CLSTN1: variants seen among roughly 807,000 people sequenced by gnomAD.
The protein encoded by CLSTN1 is calsyntenin 1, also known as calsyntenin-1.
Under a neutral mutation model 108.3 loss-of-function variants are expected in CLSTN1, and 28 were observed. That is an observed-to-expected ratio of 0.26 (90% CI 0.19 to 0.35). The LOEUF is 0.35. Ranked by LOEUF, CLSTN1 falls within the 10% of genes least tolerant of loss-of-function variation. CLSTN1 has a pLI of 1.00. For missense variants in CLSTN1, 1,157 were observed against 1,302.6 expected (o/e 0.89, Z 1.72); for synonymous variants, 524 against 534.9 (o/e 0.98, Z 0.28).
chr1:9,756,349 G>A lies in CLSTN1; in HGVS notation c.244+132C>T, dbSNP rs1651803510. On this transcript the variant is annotated intron_variant, in intron 3 of 18. Transcript: ENST00000377298. The stretch of plus-strand genomic sequence containing the variant: ...ATTTCCATCAATATACTTTAAAATA[G>A]AAACAAAGTAGGAGAATAAATAAGG... 3 of 713,274 alleles carry A rather than the reference G, an allele frequency of 4.2e-6. No homozygotes were observed. The East Asian group carries it at 7.6e-5, about 18-fold the overall frequency. 44.2% of individuals were successfully genotyped at this position (713,274 alleles called of 1,614,324 possible).
intron 1 of CLSTN1, among the ~76,000 whole-genome samples, chr1:9,806,548 TTATG>T (rs1654513583): frequency 6.6e-6 from 1 of 152,086 alleles, no homozygotes; most frequent in South Asian, 2.1e-4. Flanking sequence ...GTTTAAAACT[TTATG>T]TAGTTAAATT....
intron 4 of CLSTN1, among the ~76,000 whole-genome samples, chr1:9,751,999 G>A (rs1055986890): frequency 6.6e-6 from 1 of 151,798 alleles, no homozygotes; most frequent in Non-Finnish European, 1.5e-5. Flanking sequence ...GGACAAGACA[G>A]GCAGAAGGGA....
chr1:9,769,986 C>T (rs1310665844), intron 2 of CLSTN1, among the ~76,000 whole-genome samples: 2 of 148,564 alleles, frequency 1.3e-5, no homozygotes, highest in South Asian at 2.1e-4. Flanking sequence ...GCCGAGATCG[C>T]GCCACTGCAC....
chr1:9,758,556 C>T (rs1314868659), intron 2 of CLSTN1, among the ~76,000 whole-genome samples: 2 of 152,052 alleles, frequency 1.3e-5, no homozygotes, highest in South Asian at 4.2e-4. Context: ...TCAAGTGATC[C>T]GCCCGCCTCC....
intron 1 of CLSTN1, among the ~76,000 whole-genome samples, chr1:9,782,311 TA>T (rs1332088418): frequency 1.3e-5 from 2 of 152,124 alleles, no homozygotes; most frequent in Admixed American, 6.6e-5. Flanking sequence ...AATGGAGGCC[TA>T]AAAAAATGTG....
rs747750769 is a variant in CLSTN1 at position 9,751,429 on chromosome 1, A to G, written c.649+44T>C. On this transcript the variant is annotated intron_variant, in intron 5 of 18. Coordinates refer to ENST00000377298, the MANE Select transcript of CLSTN1 (RefSeq NM_001009566.3). ...GGGGTGTAAAGTCAGTGGGGTTAGC[A>G]GGGACTGTCTACCTAGCTGAAAAGC... The G allele has an allele frequency of 4.4e-6, 7 of 1,590,338 alleles. No homozygotes were observed. The East Asian group carries it at 1.3e-4, about 30-fold the overall frequency.
At chr1:9,733,941 C>T (rs1463993060) in intron 15 of CLSTN1, 31 bp downstream of exon 15, 27 of 1,584,548 alleles carry the variant, frequency 1.7e-5, no homozygotes, top group Non-Finnish European at 2.2e-5. Flanking sequence ...TGCAGCCTGG[C>T]CCACCTGCGT....
rs187674319 is a variant in CLSTN1 at position 9,750,462 on chromosome 1, G to T, written c.650-549C>A. On this transcript the variant is annotated intron_variant, in intron 5 of 18. Coordinates refer to ENST00000377298, the MANE Select transcript of CLSTN1 (RefSeq NM_001009566.3). ...TCTTTTTTTTTCTTTTTGGAACAGG[G>T]TCTCGTTCTCTTGCCCAGGCTGGAG... Among the ~76,000 whole-genome samples the T allele has an allele frequency of 1.1e-3, 162 of 151,992 alleles. 2 individuals are homozygous for T. Among genetic ancestry groups the T allele is most frequent in the Non-Finnish European group, 1.3e-4 (9 of 67,980 alleles).
chr1:9,786,186 TCAAA>T lies in CLSTN1; in HGVS notation c.92-12796_92-12793del, dbSNP rs199803504. Among the ~76,000 whole-genome samples the T allele has an allele frequency of 8.1e-3, 1,232 of 151,854 alleles. 14 individuals are homozygous for T. The highest frequency in any genetic ancestry group is 0.031 in the Middle Eastern group (9 of 294). On this transcript the variant is annotated intron_variant, in intron 1 of 18. Transcript: ENST00000377298. The stretch of plus-strand genomic sequence containing the variant: ...ACTGGGTGACAGAGCGAGACCTGCC[TCAAA>T]CAAACAAAAAACACACACATTAAGT...
chr1:9,799,807 G>A (rs1654173884), intron 1 of CLSTN1, among the ~76,000 whole-genome samples: 1 of 152,006 alleles, frequency 6.6e-6, no homozygotes, highest in African/African-American at 2.4e-5. Flanking sequence ...TGGGCGTGCT[G>A]GTGGGTGCCT....
chr1:9,781,536 C>T (rs556588108), intron 1 of CLSTN1, among the ~76,000 whole-genome samples: 3 of 151,720 alleles, frequency 2.0e-5, no homozygotes, highest in South Asian at 4.2e-4. Flanking sequence ...CTCTGCCTCC[C>T]GGGTTCAAGC....
rs925575445 is a variant in CLSTN1 at position 9,793,580 on chromosome 1, G to A, written c.92-20186C>T. ...GAAGGTTCATGAATGGAGGCCATTCGAAAGCTTTCTTGTAAGCAAAGAAGG... is the reference window on the plus strand; with the variant it reads ...GAAGGTTCATGAATGGAGGCCATTCAAAAGCTTTCTTGTAAGCAAAGAAGG... On this transcript the variant is annotated intron_variant, in intron 1 of 18. Transcript: ENST00000377298. Among the ~76,000 whole-genome samples the A allele has an allele frequency of 3.3e-5, 5 of 151,484 alleles. No individual in the cohort carries two copies. The East Asian group carries it at 7.9e-4, about 24-fold the overall frequency.
chr1:9,811,779 T>G (rs1388639368), intron 1 of CLSTN1, among the ~76,000 whole-genome samples: 1 of 151,278 alleles, frequency 6.6e-6, no homozygotes, highest in Admixed American at 6.6e-5. Flanking sequence ...TTTTAATGAT[T>G]TGTTATCCTT....
At position 9,731,402 on chromosome 1, in the gene CLSTN1, T is replaced by G. The variant is rs1208210104; in HGVS notation, c.2564-12A>C. On this transcript the variant is annotated splice_polypyrimidine_tract_variant and intron_variant, in intron 17 of 18. Coordinates refer to ENST00000377298, the MANE Select transcript of CLSTN1 (RefSeq NM_001009566.3). Reference sequence around the variant, plus strand: ...AGTGCTGGGGACGACTGTGGGAGAATGAGGGGGCGGGATGCGAGGTCACTC... The same window carrying G: ...AGTGCTGGGGACGACTGTGGGAGAAGGAGGGGGCGGGATGCGAGGTCACTC... The G allele has an allele frequency of 2.5e-6, 4 of 1,612,120 alleles. No individual in the cohort carries two copies. The highest frequency in any genetic ancestry group is 3.4e-6 in the Non-Finnish European group (4 of 1,178,478).
rs147236116 is a variant in CLSTN1 at position 9,766,072 on chromosome 1, TCTAA to T, written c.214+7196_214+7199del. 4.2e-3 allele frequency among the ~76,000 whole-genome samples: 640 copies of T among 152,160 alleles called. 12 individuals carry two copies. In the East Asian group the frequency reaches 0.043, roughly 10 times the overall value. ...AGTATCACAGGGCTCCTCGGTGGGC[TCTAA>T]CTGACTATCAATGAAAACTAAGTTC... On this transcript the variant is annotated intron_variant, in intron 2 of 18. Coordinates refer to ENST00000377298, the MANE Select transcript of CLSTN1 (RefSeq NM_001009566.3).
At chr1:9,781,685 C>T (rs979430327) in intron 1 of CLSTN1, among the ~76,000 whole-genome samples, 4 of 152,068 alleles carry the variant, frequency 2.6e-5, no homozygotes, top group Non-Finnish European at 5.9e-5. Flanking sequence ...TCAGGTGATC[C>T]GCCCAACTCG....
At chr1:9,824,202 T>TG (rs1655321045), upstream of CLSTN1, 1 of 143,554 alleles carries the variant, frequency 7.0e-6, no homozygotes, top group African/African-American at 2.6e-5. The surrounding 1 kb of genome is among the most constrained non-coding windows in gnomAD (Gnocchi z 5.0). Context: ...GGGACGCGCC[T>TG]GGGGTGGGTT....
intron 1 of CLSTN1, among the ~76,000 whole-genome samples, chr1:9,821,540 T>G (rs914259432): frequency 3.3e-5 from 5 of 152,258 alleles, no homozygotes; most frequent in Admixed American, 2.0e-4. Flanking sequence ...TATCATTTTC[T>G]GCAGCAGTCT....
At chr1:9,812,368 G>C (rs1382853985) in intron 1 of CLSTN1, among the ~76,000 whole-genome samples, 1 of 152,160 alleles carries the variant, frequency 6.6e-6, no homozygotes, top group African/African-American at 2.4e-5. Flanking sequence ...CAAGGGGAAG[G>C]AGGAGCATTG....
Sources: gnomAD v4.1 joint callset for allele counts (sites outside exome capture counted in the v4.1 genomes callset) on GRCh38, gnomAD v4.1.1 for gene constraint, Gnocchi (gnomAD v3.1) non-coding constraint, MANE v1.5 for transcripts, NCBI Gene and HGNC (gene_info 2026-07-23, HGNC 2026-07-21) for gene names.